The following CEP83 variants were observed in gnomAD, a reference collection of about 807,000 sequenced individuals.
The protein encoded by CEP83 is centrosomal protein 83.
In CEP83, 70 loss-of-function variants were observed where a neutral mutation model predicts 101.9. That is an observed-to-expected ratio of 0.69 (90% CI 0.57 to 0.84). The LOEUF (loss-of-function observed/expected upper bound fraction) is 0.84, where lower values mean the gene tolerates loss of function less well. Among genes scored for constraint, CEP83 ranks in the 40% least tolerant of loss-of-function variants. The pLI is 0.00. For synonymous variants in CEP83, 264 were observed against 267.9 expected (o/e 0.99, Z 0.14); for missense variants, 715 against 787.2 (o/e 0.91, Z 1.10).
intron 2 of CEP83, chr12:94,424,139 G>A: frequency 1.2e-6 from 2 of 1,603,264 alleles, no homozygotes; most frequent in South Asian, 1.1e-5. Flanking sequence ...GGAGAGTGCA[G>A]ACCGAGCAAG....
rs1024234627 is a variant in CEP83, at chr12:94,332,499, T to C, written c.1578-670A>G. On this transcript the variant is annotated intron_variant, in intron 13 of 16. Coordinates refer to ENST00000397809, the MANE Select transcript of CEP83 (RefSeq NM_016122.3). ...ACTAAAATCACATTCCATTGACCCT[T>C]AGTTCAGCTATTTTCTTCTATGAAA... 2.6e-5 allele frequency among the ~76,000 whole-genome samples: 4 copies of C among 152,194 alleles called. No homozygotes were observed. The East Asian group carries it at 7.7e-4, about 29-fold the overall frequency.
At chr12:94,293,456 G>A in the CEP83 span, among the ~76,000 whole-genome samples, 2 of 152,180 alleles carry the variant, frequency 1.3e-5, no homozygotes, top group Admixed American at 1.3e-4. Flanking sequence ...TGACTGGGTG[G>A]CTTAAACATT....
intron 15 of CEP83, among the ~76,000 whole-genome samples, chr12:94,310,783 T>C (rs915157836): frequency 7.9e-5 from 12 of 152,238 alleles, no homozygotes; most frequent in African/African-American, 2.7e-4. Context: ...TGGTCAAATA[T>C]AGAGATTTTC....
chr12:94,336,033 T>C (rs1306584007), intron 11 of CEP83, among the ~76,000 whole-genome samples: 1 of 152,112 alleles, frequency 6.6e-6, no homozygotes, highest in Non-Finnish European at 1.5e-5. Context: ...TATCAGAAAG[T>C]AGTCTAGTTT....
chr12:94,373,465 A>G (rs1415523952), intron 8 of CEP83, among the ~76,000 whole-genome samples: 4 of 152,212 alleles, frequency 2.6e-5, no homozygotes, highest in Non-Finnish European at 5.9e-5. Context: ...TTACCTAAGA[A>G]GCTCTGGATA....
At chr12:94,310,792 T>C (rs957793076) in intron 15 of CEP83, among the ~76,000 whole-genome samples, 6 of 152,216 alleles carry the variant, frequency 3.9e-5, no homozygotes, top group African/African-American at 1.4e-4. Context: ...ATAGAGATTT[T>C]CATAGTTCAA....
At chr12:94,278,830 T>C in the CEP83 span, among the ~76,000 whole-genome samples, 3 of 152,194 alleles carry the variant, frequency 2.0e-5, no homozygotes, top group South Asian at 4.1e-4. Flanking sequence ...ACCCCGTCTC[T>C]ACTAAAAAAA....
chr12:94,376,044 A>G, intron 7 of CEP83, 27 bp from the exon 8 acceptor site: 1 of 1,418,064 alleles, frequency 7.1e-7, no homozygotes, highest in Non-Finnish European at 9.4e-7. Context: ...ATAGTTTAAA[A>G]TTCATCATTT....
chr12:94,266,920 C>A, the CEP83 span, among the ~76,000 whole-genome samples: 1 of 152,240 alleles, frequency 6.6e-6, no homozygotes, highest in Non-Finnish European at 1.5e-5. Flanking sequence ...TCGGGACTGA[C>A]TGAATCAGAA....
chr12:94,373,403 C>A (rs1348196324), intron 8 of CEP83, among the ~76,000 whole-genome samples: 1 of 152,146 alleles, frequency 6.6e-6, no homozygotes, highest in Non-Finnish European at 1.5e-5. Context: ...GAAAGACACA[C>A]AAGAGCACAG....
At chr12:94,279,721 T>TC in the CEP83 span, 2 of 1,287,778 alleles carry the variant, frequency 1.6e-6, no homozygotes, top group South Asian at 1.2e-5. Flanking sequence ...TCCCTCCCTG[T>TC]CCCCCCTCCC....
At chr12:94,342,438 C>T (rs532128283) in intron 11 of CEP83, among the ~76,000 whole-genome samples, 17 of 152,238 alleles carry the variant, frequency 1.1e-4, no homozygotes, top group African/African-American at 4.1e-4. Flanking sequence ...CAAAACCATA[C>T]CCTTAGCATA....
Position 94,447,682 on chromosome 12 carries a change from G to A in CEP83, c.-155+11875C>T, listed in dbSNP as rs541651770. Among the ~76,000 whole-genome samples the A allele has an allele frequency of 2.0e-5, 3 of 152,114 alleles. No individual in the cohort carries two copies. In the South Asian group the frequency reaches 6.2e-4, roughly 32 times the overall value. ...CGCTGAGTTTGTAATACATACAGCT[G>A]TAATATATATAATAATAATAGCACC... is the stretch of plus-strand genomic sequence containing the variant. On this transcript the variant is annotated intron_variant, in intron 1 of 16. Coordinates refer to ENST00000397809, the MANE Select transcript of CEP83 (RefSeq NM_016122.3).
chr12:94,312,512 G>T, intron 15 of CEP83: 5 of 878,720 alleles, frequency 5.7e-6, no homozygotes, highest in Non-Finnish European at 6.8e-6. Context: ...GCTTGAATGT[G>T]ACTGCAAAAC....
the CEP83 span, among the ~76,000 whole-genome samples, chr12:94,289,201 CTGTT>C: frequency 3.3e-5 from 5 of 152,118 alleles, no homozygotes; most frequent in South Asian, 2.1e-4. Flanking sequence ...TGTGTAGCTC[CTGTT>C]TATTTTGGAA....
intron 2 of CEP83, among the ~76,000 whole-genome samples, chr12:94,415,227 C>T (rs2137856685): frequency 6.6e-6 from 1 of 151,852 alleles, no homozygotes; most frequent in Middle Eastern, 3.4e-3. Context: ...TATAAAAAAA[C>T]TTATGTGGTT....
intron 2 of CEP83, among the ~76,000 whole-genome samples, chr12:94,427,472 G>T (rs898039743): frequency 6.6e-6 from 1 of 152,150 alleles, no homozygotes; most frequent in Non-Finnish European, 1.5e-5. Context: ...ACATCCACGT[G>T]TCCTTCCTAC....
intron 16 of CEP83, 24 bp from the exon 17 acceptor site, chr12:94,308,941 T>A: frequency 1.3e-6 from 2 of 1,530,892 alleles, no homozygotes; most frequent in Non-Finnish European, 1.8e-6. Flanking sequence ...AGAGAAAGCA[T>A]AGCAAAAGAA....
intron 16 of CEP83, among the ~76,000 whole-genome samples, chr12:94,309,159 G>A (rs1479908001): frequency 6.6e-6 from 1 of 152,036 alleles, no homozygotes; most frequent in Non-Finnish European, 1.5e-5. Flanking sequence ...AATTCACCAG[G>A]GAGTGAATTA....
Sources: gnomAD v4.1 joint callset for allele counts (sites outside exome capture counted in the v4.1 genomes callset) on GRCh38, gnomAD v4.1.1 for gene constraint, MANE v1.5 for transcripts, NCBI Gene and HGNC (gene_info 2026-07-23, HGNC 2026-07-21) for gene names.